C8orf34: variants seen among roughly 807,000 people sequenced by gnomAD.
The protein encoded by C8orf34 is uncharacterized protein C8orf34.
In C8orf34, 65 loss-of-function variants were observed where a neutral mutation model predicts 68.3. The ratio of observed to expected loss-of-function variants is 0.95; its 90% confidence interval spans 0.78 to 1.17. The LOEUF is 1.17. C8orf34 is among the 50% of genes most tolerant of loss of function. The pLI, the probability that C8orf34 is intolerant of heterozygous loss-of-function variation, is 0.00. For synonymous variants in C8orf34, 244 were observed against 241.2 expected, an observed-to-expected ratio of 1.01 and a Z score of -0.11; for missense variants, 664 against 655.4, an observed-to-expected ratio of 1.01 and a Z score of -0.14.
At chr8:68,443,166 G>T (rs911568160) in intron 2 of C8orf34, among the ~76,000 whole-genome samples, 1 of 152,090 alleles carries the variant, frequency 6.6e-6, no homozygotes, top group Non-Finnish European at 1.5e-5. Flanking sequence ...AATGGGGGCT[G>T]TGCTAAGACA....
intron 8 of C8orf34, among the ~76,000 whole-genome samples, chr8:68,705,594 G>A (rs1349426755): frequency 6.6e-6 from 1 of 152,144 alleles, no homozygotes; most frequent in African/African-American, 2.4e-5. Context: ...AAAACAGGTT[G>A]AGGAGTAGGA....
At chr8:68,332,351 TCCCGCCTTGCCCCCGCCTTGCC>T (rs71253079) in intron 1 of C8orf34, among the ~76,000 whole-genome samples, 3 of 105,882 alleles carry the variant, frequency 2.8e-5, no homozygotes, top group Non-Finnish European at 5.9e-5. Flanking sequence ...GTCGAGGTGC[TCCCGCCTTGCCCCCGCCTTGCC>T]CCCGCCTTGC....
chr8:68,427,699 T>C (rs1266561843), intron 1 of C8orf34, among the ~76,000 whole-genome samples: 2 of 152,002 alleles, frequency 1.3e-5, no homozygotes, highest in Non-Finnish European at 2.9e-5. Context: ...GCATATAAAC[T>C]GGGAAATCTG....
At chr8:68,565,706 C>T (rs147334850) in intron 7 of C8orf34, among the ~76,000 whole-genome samples, 66 of 152,254 alleles carry the variant, frequency 4.3e-4, no homozygotes, top group Non-Finnish European at 8.5e-4. Context: ...TAAGGTATTA[C>T]ATTATATGAT....
At chr8:68,746,653 C>T (rs1393917388) in intron 10 of C8orf34, among the ~76,000 whole-genome samples, 4 of 148,894 alleles carry the variant, frequency 2.7e-5, no homozygotes, top group Admixed American at 1.3e-4. Context: ...ATAAATTCCT[C>T]GACACATACA....
At chr8:68,697,092 A>G (rs183359222) in intron 8 of C8orf34, among the ~76,000 whole-genome samples, 99 of 152,040 alleles carry the variant, frequency 6.5e-4, no homozygotes, top group Non-Finnish European at 1.0e-3. Flanking sequence ...TATATGGTAG[A>G]TTTTTGTCCC....
chr8:68,742,511 G>A (rs192770229), intron 10 of C8orf34, among the ~76,000 whole-genome samples: 45 of 152,168 alleles, frequency 3.0e-4, no homozygotes, highest in African/African-American at 8.9e-4. Context: ...TTAAATTATC[G>A]TGTTCCAGGT....
chr8:68,756,547 G>A (rs1425934268), intron 10 of C8orf34, among the ~76,000 whole-genome samples: 3 of 151,988 alleles, frequency 2.0e-5, no homozygotes, highest in Non-Finnish European at 2.9e-5. Context: ...CTTTAAGGAT[G>A]GAAAGGAGGT....
intron 7 of C8orf34, among the ~76,000 whole-genome samples, chr8:68,596,318 CAT>C (rs1031020781): frequency 1.6e-4 from 24 of 152,216 alleles, no homozygotes; most frequent in Admixed American, 1.4e-3. Flanking sequence ...TCAGATACTT[CAT>C]TTCCTAGGGC....
At chr8:68,546,630 T>C (rs1298999483) in intron 7 of C8orf34, among the ~76,000 whole-genome samples, 1 of 151,860 alleles carries the variant, frequency 6.6e-6, no homozygotes, top group African/African-American at 2.4e-5. Flanking sequence ...TATCAACATT[T>C]ACAGTAGATT....
At chr8:68,743,823 G>A (rs1455042697) in intron 10 of C8orf34, among the ~76,000 whole-genome samples, 1 of 152,242 alleles carries the variant, frequency 6.6e-6, no homozygotes, top group Non-Finnish European at 1.5e-5. Flanking sequence ...GCCCACCATT[G>A]CCCAGGCTTG....
chr8:68,641,807 A>C (rs1014611461), intron 8 of C8orf34, among the ~76,000 whole-genome samples: 1 of 152,232 alleles, frequency 6.6e-6, no homozygotes, highest in Non-Finnish European at 1.5e-5. Flanking sequence ...GCCCTAAATT[A>C]TCATTCAGCT....
chr8:68,540,843 AAC>A (rs1451797653), intron 7 of C8orf34, among the ~76,000 whole-genome samples: 3 of 350 alleles, frequency 8.6e-3, no homozygotes, highest in Non-Finnish European at 0.022. Context: ...CTGCGTCTCA[AAC>A]AAAAAAAAAA....
chr8:68,763,159 T>A (rs1369141597), intron 10 of C8orf34, among the ~76,000 whole-genome samples: 2 of 152,212 alleles, frequency 1.3e-5, no homozygotes, highest in Non-Finnish European at 2.9e-5. Flanking sequence ...AAACTCCCAA[T>A]GAATGAATTT....
chr8:68,415,853 C>T (rs185496059), intron 1 of C8orf34, among the ~76,000 whole-genome samples: 169 of 152,234 alleles, frequency 1.1e-3, no homozygotes, highest in African/African-American at 3.6e-3. Context: ...CTGTTATATA[C>T]GTAGGGAGTC....
intron 3 of C8orf34, among the ~76,000 whole-genome samples, chr8:68,460,829 C>T (rs990983016): frequency 4.0e-5 from 6 of 150,518 alleles, no homozygotes; most frequent in Non-Finnish European, 7.4e-5. Flanking sequence ...TAGATAAAAC[C>T]ACAAAGATGG....
intron 1 of C8orf34, among the ~76,000 whole-genome samples, chr8:68,380,009 C>T (rs1024199056): frequency 1.3e-5 from 2 of 151,986 alleles, no homozygotes; most frequent in Non-Finnish European, 2.9e-5. Context: ...TGCATCACTA[C>T]ACCCCCCTTC....
chr8:68,337,008 C>T (rs1463114716), intron 1 of C8orf34, among the ~76,000 whole-genome samples: 6 of 152,106 alleles, frequency 3.9e-5, no homozygotes, highest in South Asian at 4.1e-4. Flanking sequence ...GAAGAGAAAA[C>T]TTTACCTTAT....
At chr8:68,761,990 TA>T (rs1823037825) in intron 10 of C8orf34, among the ~76,000 whole-genome samples, 1 of 152,244 alleles carries the variant, frequency 6.6e-6, no homozygotes, top group Non-Finnish European at 1.5e-5. Flanking sequence ...GTACACTTTT[TA>T]AATCTCACCA....
Sources: gnomAD v4.1 joint callset for allele counts (sites outside exome capture counted in the v4.1 genomes callset) on GRCh38, gnomAD v4.1.1 for gene constraint, MANE v1.5 for transcripts, NCBI Gene and HGNC (gene_info 2026-07-23, HGNC 2026-07-21) for gene names.